Variants in ESR2 observed in about 807,000 individuals in gnomAD.
ESR2 encodes estrogen receptor beta.
ESR2 carries 36 observed loss-of-function variants against 49.6 expected under a neutral mutation model. The observed-to-expected ratio is 0.73, with a 90% CI of 0.56 to 0.96. The LOEUF is 0.96. Among genes scored for constraint, ESR2 ranks in the 40% least tolerant of loss-of-function variants. The pLI is 0.00. For missense variants in ESR2, 714 were observed against 693.0 expected (o/e 1.03, Z -0.34); for synonymous variants, 320 against 266.1 (o/e 1.20, Z -1.97).
At chr14:64,332,616 C>T (rs1380297152) in intron 1 of ESR2, among the ~76,000 whole-genome samples, 1 of 151,686 alleles carries the variant, frequency 6.6e-6, no homozygotes, top group Non-Finnish European at 1.5e-5. Flanking sequence ...CTGGCTAACA[C>T]GGTGAAACCC....
intron 4 of ESR2, 40 bp downstream of exon 4, chr14:64,268,755 G>T: frequency 8.4e-7 from 1 of 1,194,028 alleles, no homozygotes; most frequent in South Asian, 1.2e-5. Context: ...AGGGCTTTTA[G>T]CAAGGCCCAT....
rs71123836 is a variant in ESR2 at position 64,246,734 on chromosome 14, CAAAAAAAAAAAAAAAAA to C, written c.1225+2795_1225+2811del. 9.6e-4 allele frequency among the ~76,000 whole-genome samples: 35 copies of C among 36,454 alleles called. 1 individual carries two copies. The highest frequency in any genetic ancestry group is 1.9e-3 in the South Asian group (1 of 520). 23.9% of individuals were successfully genotyped at this position (36,454 alleles called of 152,430 possible). A position where few individuals can be genotyped will look rare whatever the true frequency, so the allele number is the denominator to read the frequency against. On this transcript the variant is annotated intron_variant, in intron 7 of 8. Transcript: ENST00000341099. The stretch of plus-strand genomic sequence containing the variant: ...CCTGGCCAACACAGGAAGACTCTGT[CAAAAAAAAAAAAAAAAA>C]AAAAAAAAAAAAAAAACACACCTGG...
chr14:64,269,037 C>T (rs1176721370), intron 3 of ESR2, 126 bp from the exon 4 acceptor site: 7 of 632,870 alleles, frequency 1.1e-5, no homozygotes, highest in African/African-American at 5.4e-5. Flanking sequence ...ATGACCAGTA[C>T]AGGTACAAAG....
upstream of ESR2, among the ~76,000 whole-genome samples, chr14:64,295,035 G>A (rs1325287504): frequency 6.6e-6 from 1 of 152,190 alleles, no homozygotes. Context: ...GCGCCCCCTG[G>A]TGGCAGCCCC....
chr14:64,280,197 A>T (rs374485060), intron 2 of ESR2, 44 bp from the exon 3 acceptor site: 13 of 1,449,208 alleles, frequency 9.0e-6, no homozygotes, highest in Non-Finnish European at 1.2e-5. Flanking sequence ...CATAAAAGGG[A>T]AAGGAAGGGC....
rs751875571 is a variant in ESR2, at chr14:64,233,306, T to C, written c.1424A>G (p.His475Arg). The stretch of plus-strand genomic sequence containing the variant: ...ATTTTTGCACTTCATGTTGAGCAGA[T>C]GTTCCATGCCCTTGTTACTATGGGG... ...VRHASNKGME[H>R]LLNMKCKNVV... is the part of the protein sequence containing the mutation. Residue 475 changes from histidine to arginine, a missense_variant, in exon 9 of 9, where the codon CAT becomes CGT. His to Arg is a conservative substitution (Grantham distance 29). Coordinates refer to ENST00000341099, the MANE Select transcript of ESR2 (RefSeq NM_001437.3). 6.2e-7 allele frequency: 1 copy of C among 1,613,800 alleles called. No homozygotes were observed. Among genetic ancestry groups the C allele is most frequent in the Non-Finnish European group, 8.5e-7 (1 of 1,179,694 alleles).
At chr14:64,273,363 G>A (rs1358018205) in intron 3 of ESR2, among the ~76,000 whole-genome samples, 1 of 152,146 alleles carries the variant, frequency 6.6e-6, no homozygotes, top group African/African-American at 2.4e-5. Context: ...TAACAGTGGT[G>A]AAAGTGGGCA....
chr14:64,334,495 G>A (rs368970107), intron 1 of ESR2, among the ~76,000 whole-genome samples: 2 of 152,136 alleles, frequency 1.3e-5, no homozygotes, highest in South Asian at 2.1e-4. Context: ...GTGAATGATC[G>A]AAGAGAGAGA....
In ESR2 at chr14:64,260,472, A is replaced by C; in HGVS notation, c.929T>G (p.Ile310Ser). The change falls in exon 5 of 9, where the codon ATC (isoleucine) becomes AGC (serine). Residue 310 changes from isoleucine (I) to serine (S), a missense_variant. By Grantham distance (142) the Ile-to-Ser change is moderately radical. Transcript: ENST00000341099. ...ACCGGGAATCTTCTTGGCCCAGCTG[A>C]TCATGTGTACCAACTCCTTGTCGGC... ...KLADKELVHM[I>S]SWAKKIPGFV... 6.6e-7 allele frequency: 1 copy of C among 1,525,914 alleles called. No individual in the cohort carries two copies. The highest frequency in any genetic ancestry group is 1.8e-4 in the Middle Eastern group (1 of 5,626). The allele number at this position is 1,525,914 out of a possible 1,614,324, so 94.5% of individuals were successfully genotyped here.
rs188518512 is a variant in ESR2, at chr14:64,331,242, T to C, written c.-91+6656A>G. Among the ~76,000 whole-genome samples the C allele has an allele frequency of 4.9e-4, 75 of 152,262 alleles. No individual in the cohort carries two copies. The Middle Eastern group carries it at 0.01, about 21-fold the overall frequency. ...TGTTAATATCAGACAACCTAGACTATAGGGCAAAAAGTATTACATGAAATA... is the reference window on the plus strand; with the variant it reads ...TGTTAATATCAGACAACCTAGACTACAGGGCAAAAAGTATTACATGAAATA... On this transcript the variant is annotated intron_variant, in intron 1 of 8. Transcript: ENST00000358599.
At chr14:64,262,608 A>G (rs1176881963) in intron 4 of ESR2, among the ~76,000 whole-genome samples, 1 of 152,140 alleles carries the variant, frequency 6.6e-6, no homozygotes, top group African/African-American at 2.4e-5. Context: ...AAACATGGCC[A>G]AACATGGTGG....
Position 64,232,990 on chromosome 14 carries a change from G to T in ESR2, c.*147C>A. On this transcript the variant is annotated 3_prime_UTR_variant, in exon 9 of 9. Transcript: ENST00000341099. ...CACACCGACTCCTGAGAGTTGGGAA[G>T]GTGGAGGGAAGGATGGTACATGACC... The T allele has an allele frequency of 7.2e-7, 1 of 1,396,432 alleles. No individual in the cohort carries two copies. Among genetic ancestry groups the T allele is most frequent in the Non-Finnish European group, 9.3e-7 (1 of 1,072,592 alleles). 86.5% of individuals were successfully genotyped at this position (1,396,432 alleles called of 1,614,324 possible).
intron 4 of ESR2, among the ~76,000 whole-genome samples, chr14:64,267,509 G>A (rs538691932): frequency 2.0e-5 from 3 of 152,206 alleles, no homozygotes; most frequent in African/African-American, 7.2e-5. Context: ...TATAATAGCT[G>A]AGGGTTCTAA....
intron 1 of ESR2, among the ~76,000 whole-genome samples, chr14:64,305,488 G>A (rs1385078792): frequency 6.6e-6 from 1 of 151,468 alleles, no homozygotes; most frequent in Non-Finnish European, 1.5e-5. Context: ...GGCTAACACA[G>A]TGAAACCCCA....
rs563505369 is a variant in ESR2, at chr14:64,239,931, C to T, written c.1226-4781G>A. Among the ~76,000 whole-genome samples the T allele has an allele frequency of 1.4e-3, 209 of 152,184 alleles. 2 individuals carry two copies. The highest frequency in any genetic ancestry group is 1.2e-3 in the Non-Finnish European group (85 of 68,046). ...CACCATGGATCAGACCTTTGATTAA[C>T]TATTTGAGTATATATCCCATTCTAG... On this transcript the variant is annotated intron_variant, in intron 7 of 8. Transcript: ENST00000341099.
chr14:64,336,613 C>T (rs2077535167), intron 1 of ESR2: 1 of 152,224 alleles, frequency 6.6e-6, no homozygotes, highest in Non-Finnish European at 1.5e-5. Context: ...ATTCTAAACA[C>T]TGCAGTGTCC....
chr14:64,319,522 T>C (rs1449312891), intron 1 of ESR2, among the ~76,000 whole-genome samples: 1 of 152,160 alleles, frequency 6.6e-6, no homozygotes, highest in Non-Finnish European at 1.5e-5. Context: ...TTGCAAAAGA[T>C]ATATCTGATA....
intron 1 of ESR2, chr14:64,301,419 C>G (rs1311828924): frequency 1.3e-5 from 2 of 152,238 alleles, no homozygotes; most frequent in African/African-American, 4.8e-5. Context: ...CTGAATTACA[C>G]AGGTGCATGG....
chr14:64,303,205 C>T (rs943159898), intron 1 of ESR2, among the ~76,000 whole-genome samples: 2 of 152,182 alleles, frequency 1.3e-5, no homozygotes, highest in African/African-American at 2.4e-5. Context: ...GATTTCTCCT[C>T]GCCAGAAGGG....
Sources: gnomAD v4.1 joint callset for allele counts (sites outside exome capture counted in the v4.1 genomes callset) on GRCh38, gnomAD v4.1.1 for gene constraint, MANE v1.5 for transcripts, NCBI Gene and HGNC (gene_info 2026-07-23, HGNC 2026-07-21) for gene names.